DOCK8: variants seen among roughly 807,000 people sequenced by gnomAD.
DOCK8 encodes dedicator of cytokinesis protein 8.
In DOCK8, 141 loss-of-function variants were observed where a neutral mutation model predicts 245.6. The ratio of observed to expected loss-of-function variants is 0.57; its 90% CI spans 0.50 to 0.66. The LOEUF (loss-of-function observed/expected upper bound fraction) is 0.66. Among genes scored for constraint, DOCK8 ranks in the 30% least tolerant of loss-of-function variants. The pLI is 0.00. For synonymous variants in DOCK8, 1,168 were observed against 970.2 expected, an observed-to-expected ratio of 1.20 and a Z score of -3.79; for missense variants, 2,965 against 2,603.4, an observed-to-expected ratio of 1.14 and a Z score of -3.02.
chr9:439,409 C>T, intron 40 of DOCK8, 21 bp downstream of exon 40: 1 of 1,610,748 alleles, frequency 6.2e-7, no homozygotes, highest in Middle Eastern at 1.9e-4. Flanking sequence ...AGAGGGCATC[C>T]CGGGGCCTGG....
chr9:309,625 A>C (rs544110698), intron 5 of DOCK8, among the ~76,000 whole-genome samples: 19 of 152,216 alleles, frequency 1.2e-4, no homozygotes, highest in Non-Finnish European at 2.5e-4. Context: ...TGTTTTCTTA[A>C]AGCACACCGC....
At chr9:265,727 C>T (rs2048021699) in intron 1 of DOCK8, among the ~76,000 whole-genome samples, 1 of 152,154 alleles carries the variant, frequency 6.6e-6, no homozygotes, top group Admixed American at 6.5e-5. Context: ...AGAAGCCTTC[C>T]AGGGCTGTTT....
chr9:415,666 G>A (rs527432357), intron 29 of DOCK8, among the ~76,000 whole-genome samples: 55 of 147,804 alleles, frequency 3.7e-4, no homozygotes, highest in Non-Finnish European at 6.6e-4. Context: ...CACAGCGTAC[G>A]TGTGTGTGCA....
At chr9:323,678 C>G (rs551350697) in intron 7 of DOCK8, among the ~76,000 whole-genome samples, 3 of 152,314 alleles carry the variant, frequency 2.0e-5, no homozygotes, top group East Asian at 1.9e-4. Context: ...TCCCTACTCC[C>G]CAGCCCCTGG....
chr9:237,115 A>G (rs375495022), intron 1 of DOCK8, among the ~76,000 whole-genome samples: 22 of 152,374 alleles, frequency 1.4e-4, no homozygotes, highest in Admixed American at 7.8e-4. Flanking sequence ...GTCACAAAGA[A>G]AAAGCCATTA....
chr9:266,711 C>T (rs2129863474), intron 1 of DOCK8, among the ~76,000 whole-genome samples: 1 of 152,296 alleles, frequency 6.6e-6, no homozygotes, highest in Admixed American at 6.5e-5. Flanking sequence ...ACCACCAGTC[C>T]ATCACCACCA....
chr9:419,288 G>T (rs117271122), intron 30 of DOCK8, among the ~76,000 whole-genome samples: 23 of 152,146 alleles, frequency 1.5e-4, no homozygotes, highest in Non-Finnish European at 1.5e-5. Context: ...ATGAGGATTG[G>T]GGGGACAGTG....
chr9:386,981 C>A lies in DOCK8; in HGVS notation c.2874+555C>A, dbSNP rs567491686. ...ACTTTAAAAGCTGTTAAACTGCTTACCAGGATTTTTAAAGCAACAAAATTC... is the reference window on the plus strand; with the variant it reads ...ACTTTAAAAGCTGTTAAACTGCTTAACAGGATTTTTAAAGCAACAAAATTC... On this transcript the variant is annotated intron_variant, in intron 23 of 47. Transcript: ENST00000432829. 8.5e-5 allele frequency among the ~76,000 whole-genome samples: 13 copies of A among 152,242 alleles called. No individual in the cohort carries two copies. The South Asian group carries it at 2.7e-3, about 32-fold the overall frequency.
chr9:233,808 G>C lies in DOCK8; in HGVS notation c.53+18779G>C, dbSNP rs1265321520. Among the ~76,000 whole-genome samples, 5 of 151,980 alleles carry C rather than the reference G, an allele frequency of 3.3e-5. No individual in the cohort carries two copies. In the South Asian group the frequency reaches 8.4e-4, roughly 25 times the overall value. On this transcript the variant is annotated intron_variant, in intron 1 of 47. Coordinates refer to ENST00000432829, the MANE Select transcript of DOCK8 (RefSeq NM_203447.4). ...ATGTGTGTCTCTGCACGTGAGATGGGTTTCCTGAATACAGCACACTGATGG... is the reference window on the plus strand; with the variant it reads ...ATGTGTGTCTCTGCACGTGAGATGGCTTTCCTGAATACAGCACACTGATGG...
chr9:353,606 C>T (rs1202964594), intron 14 of DOCK8, among the ~76,000 whole-genome samples: 2 of 152,118 alleles, frequency 1.3e-5, no homozygotes, highest in Non-Finnish European at 2.9e-5. Context: ...TGTGCTTTCT[C>T]TGTCTGTTAA....
chr9:355,918 G>A (rs2052422179), intron 14 of DOCK8, among the ~76,000 whole-genome samples: 1 of 152,118 alleles, frequency 6.6e-6, no homozygotes. Flanking sequence ...TGTCTGAAAT[G>A]TTTCTTGCTA....
intron 39 of DOCK8, among the ~76,000 whole-genome samples, chr9:437,455 C>G (rs1320748042): frequency 6.6e-6 from 1 of 152,232 alleles, no homozygotes; most frequent in Non-Finnish European, 1.5e-5. Flanking sequence ...ATCCCTGAAC[C>G]AGCCATACTG....
At chr9:265,181 C>G (rs1027407332) in intron 1 of DOCK8, among the ~76,000 whole-genome samples, 7 of 152,232 alleles carry the variant, frequency 4.6e-5, no homozygotes, top group Non-Finnish European at 4.4e-5. Context: ...ATCCACCCGC[C>G]TTGGCCTCCC....
chr9:446,690 G>A (rs2057274009), intron 44 of DOCK8, 84 bp downstream of exon 44: 2 of 1,206,568 alleles, frequency 1.7e-6, no homozygotes, highest in South Asian at 2.5e-5. Context: ...TTTCACAGTG[G>A]ATTGGACTGA....
At chr9:351,314 C>G (rs2052156654) in intron 14 of DOCK8, among the ~76,000 whole-genome samples, 1 of 152,184 alleles carries the variant, frequency 6.6e-6, no homozygotes, top group Non-Finnish European at 1.5e-5. Flanking sequence ...TCTAGAGTGG[C>G]ACCCTGGTCT....
Position 418,077 on chromosome 9 carries a change from C to T in DOCK8, c.3710C>T (p.Thr1237Ile), listed in dbSNP as rs775051409. ...PQLCDFTVADTRRYRTSGSDE... is the reference protein window; with the variant it reads ...PQLCDFTVADIRRYRTSGSDE... The stretch of plus-strand genomic sequence containing the variant: ...GATGTTTTCATTGCAGTTGCAGATA[C>T]TCGCAGATACCGCACCAGTGGCTCG... Residue 1237 changes from threonine (T) to isoleucine (I), a missense_variant, in exon 30 of 48, where the codon ACT (threonine) becomes ATT (isoleucine). Physicochemically the swap from Thr to Ile is moderately conservative, Grantham distance 89 (BLOSUM62 -1). Transcript: ENST00000432829. 6.2e-7 allele frequency: 1 copy of T among 1,614,202 alleles called. No homozygotes were observed. Among genetic ancestry groups the T allele is most frequent in the South Asian group, 1.1e-5 (1 of 91,082 alleles).
chr9:234,041 T>C (rs983582562), intron 1 of DOCK8, among the ~76,000 whole-genome samples: 1 of 152,194 alleles, frequency 6.6e-6, no homozygotes, highest in African/African-American at 2.4e-5. Flanking sequence ...GTACTGGTTG[T>C]TCCTTTCCAT....
intron 30 of DOCK8, chr9:420,107 CA>C: frequency 2.2e-6 from 1 of 464,086 alleles, no homozygotes. Context: ...CAGGGGTGAT[CA>C]CCAGGCCACA....
intron 46 of DOCK8, among the ~76,000 whole-genome samples, chr9:453,831 A>AT (rs1378565173): frequency 2.6e-5 from 4 of 151,962 alleles, no homozygotes; most frequent in African/African-American, 9.7e-5. Context: ...TTTTTCATAT[A>AT]TTTTTATTTA....
Sources: gnomAD v4.1 joint callset for allele counts (sites outside exome capture counted in the v4.1 genomes callset) on GRCh38, gnomAD v4.1.1 for gene constraint, MANE v1.5 for transcripts, NCBI Gene and HGNC (gene_info 2026-07-23, HGNC 2026-07-21) for gene names.